Variants in CYFIP2 observed in about 807,000 individuals in gnomAD.
CYFIP2 encodes the protein cytoplasmic FMR1-interacting protein 2.
Under a neutral mutation model 158.7 loss-of-function variants are expected in CYFIP2, and 29 were observed. The ratio of observed to expected loss-of-function variants is 0.18; its 90% confidence interval spans 0.14 to 0.25. The LOEUF is 0.25. Among genes scored for constraint, CYFIP2 ranks in the 10% least tolerant of loss-of-function variants. CYFIP2 has a pLI of 1.00. For missense variants in CYFIP2, 852 were observed against 1,639.5 expected (o/e 0.52, Z 8.29); for synonymous variants, 585 against 617.6 (o/e 0.95, Z 0.78).
chr5:157,394,216 A>G lies in CYFIP2; in HGVS notation c.*1216A>G, dbSNP rs1767572021. 1 of 152,194 alleles carries G rather than the reference A, an allele frequency of 6.6e-6. No individual in the cohort carries two copies. Among genetic ancestry groups the G allele is most frequent in the African/African-American group, 2.4e-5 (1 of 41,456 alleles). 9.4% of individuals were successfully genotyped at this position (152,194 alleles called of 1,614,324 possible). On this transcript the variant is annotated 3_prime_UTR_variant, in exon 31 of 31. Transcript: ENST00000620254. ...TACTTCCATTTTCTAGACTGAACCA[A>G]AAGTCTTCTGCAGAATCTCCCACCG... is the stretch of plus-strand genomic sequence containing the variant.
In CYFIP2 at chr5:157,394,154, G is replaced by C. The variant is rs1282898551; in HGVS notation, c.*1154G>C. ...TGTTCTCTTTACATTCCTTAAGTTA[G>C]ACTTTCGGGTGTGGCTTCTCTCCCA... is the stretch of plus-strand genomic sequence containing the variant. On this transcript the variant is annotated 3_prime_UTR_variant, in exon 31 of 31. Transcript: ENST00000620254. 6.6e-6 allele frequency: 1 copy of C among 152,096 alleles called. No individual in the cohort carries two copies. The highest frequency in any genetic ancestry group is 2.4e-5 in the African/African-American group (1 of 41,406). 9.4% of individuals were successfully genotyped at this position (152,096 alleles called of 1,614,324 possible).
intron 26 of CYFIP2, among the ~76,000 whole-genome samples, chr5:157,381,707 C>A (rs998118535): frequency 4.6e-5 from 7 of 152,150 alleles, no homozygotes; most frequent in Non-Finnish European, 8.8e-5. Flanking sequence ...GAACAGCTGG[C>A]CTTTCAGAGT....
intron 6 of CYFIP2, among the ~76,000 whole-genome samples, chr5:157,302,512 G>C (rs1244696032): frequency 6.6e-6 from 1 of 152,140 alleles, no homozygotes; most frequent in African/African-American, 2.4e-5. Context: ...GCTGGTTGAT[G>C]GGATGCTAGT....
At chr5:157,301,732 C>T (rs1758765944) in intron 6 of CYFIP2, among the ~76,000 whole-genome samples, 1 of 152,106 alleles carries the variant, frequency 6.6e-6, no homozygotes, top group African/African-American at 2.4e-5. Context: ...AGTTCAAGAC[C>T]AGCCTGGAAA....
intron 21 of CYFIP2, among the ~76,000 whole-genome samples, chr5:157,337,260 A>G (rs1456788696): frequency 6.6e-6 from 1 of 152,218 alleles, no homozygotes; most frequent in Non-Finnish European, 1.5e-5. Context: ...TTCATGGTAC[A>G]CAATGACTGG....
intron 28 of CYFIP2, among the ~76,000 whole-genome samples, chr5:157,387,445 G>A (rs1325500198): frequency 6.6e-6 from 1 of 152,112 alleles, no homozygotes; most frequent in African/African-American, 2.4e-5. Context: ...CTGACCCTGA[G>A]GACTGATTCA....
chr5:157,320,856 A>G (rs1468573101), intron 15 of CYFIP2, 54 bp downstream of exon 15: 14 of 1,467,750 alleles, frequency 9.5e-6, no homozygotes, highest in South Asian at 1.4e-5. Flanking sequence ...CAGCCGGGCT[A>G]TGGTAGATCA....
In CYFIP2 at chr5:157,389,206, C is replaced by A; in HGVS notation, c.3225C>A (p.Arg1075=). The A allele has an allele frequency of 6.2e-7, 1 of 1,611,708 alleles. No homozygotes were observed. The highest frequency in any genetic ancestry group is 1.7e-4 in the Middle Eastern group (1 of 6,054). The change falls in exon 29 of 31, where the codon CGC becomes CGA. Residue 1075 remains arginine (R), a synonymous_variant. Transcript: ENST00000620254. ...GTTTCCAGCAAATCGCCATTGCTCG[C>A]GAGGGTGACCTCCTGACCAAGGAGC... ...LGTPQQIAIA[R]EGDLLTKERL...
chr5:157,363,325 G>A (rs895134610), intron 26 of CYFIP2: 8 of 152,374 alleles, frequency 5.3e-5, no homozygotes, highest in Middle Eastern at 6.8e-3. Context: ...AGCAAGAGGC[G>A]TGGCGAGCCT....
chr5:157,325,446 A>G, intron 16 of CYFIP2, 36 bp from the exon 17 acceptor site: 1 of 1,565,688 alleles, frequency 6.4e-7, no homozygotes, highest in Non-Finnish European at 8.6e-7. Context: ...TTTTAGTTCT[A>G]AAAGTAACCA....
intron 17 of CYFIP2, chr5:157,325,929 A>G (rs1760987315): frequency 3.7e-6 from 2 of 546,334 alleles, no homozygotes; most frequent in Non-Finnish European, 6.5e-6. Flanking sequence ...CTGCTACCTG[A>G]TGTGTTTTAG....
intron 11 of CYFIP2, among the ~76,000 whole-genome samples, chr5:157,313,758 A>C (rs777274763): frequency 5.9e-5 from 9 of 152,228 alleles, no homozygotes; most frequent in Non-Finnish European, 1.0e-4. Flanking sequence ...GTGCATACAC[A>C]CATATTCTGT....
At chr5:157,284,290 CTTTCA>C (rs1344901304) in intron 1 of CYFIP2, among the ~76,000 whole-genome samples, 1 of 152,142 alleles carries the variant, frequency 6.6e-6, no homozygotes, top group Non-Finnish European at 1.5e-5. Flanking sequence ...TGCTTTCCAT[CTTTCA>C]TTTCTAAAGA....
intron 21 of CYFIP2, 33 bp downstream of exon 21, chr5:157,333,479 C>T (rs745554482): frequency 5.6e-6 from 9 of 1,613,740 alleles, no homozygotes; most frequent in Non-Finnish European, 7.6e-6. Flanking sequence ...GATTTCTGCT[C>T]TGTGATTTCT....
At chr5:157,328,586 C>T (rs561559860) in intron 19 of CYFIP2, among the ~76,000 whole-genome samples, 2 of 152,282 alleles carry the variant, frequency 1.3e-5, no homozygotes, top group Admixed American at 6.5e-5. Flanking sequence ...GTCTCTTCAC[C>T]ACCACTAGAG....
rs574084671 is a variant in CYFIP2, at chr5:157,273,323, T to C, written c.-24+7128T>C. Among the ~76,000 whole-genome samples, 3 of 152,324 alleles carry C rather than the reference T, an allele frequency of 2.0e-5. No individual in the cohort carries two copies. The East Asian group carries it at 5.8e-4, about 29-fold the overall frequency. On this transcript the variant is annotated intron_variant, in intron 1 of 30. Coordinates refer to ENST00000620254, the MANE Select transcript of CYFIP2 (RefSeq NM_001037333.3). ...TTCTGAGCCTTGGTTTCCTCATCAGTAGAAAGAGAGCTAGGCTCCCTTCTT... is the reference window on the plus strand; with the variant it reads ...TTCTGAGCCTTGGTTTCCTCATCAGCAGAAAGAGAGCTAGGCTCCCTTCTT...
At chr5:157,302,403 T>C (rs1020890328) in intron 6 of CYFIP2, among the ~76,000 whole-genome samples, 1 of 152,198 alleles carries the variant, frequency 6.6e-6, no homozygotes, top group Non-Finnish European at 1.5e-5. Context: ...CATTCTAGCA[T>C]CCTACCTGCA....
chr5:157,280,339 G>A (rs1416597930), intron 1 of CYFIP2, among the ~76,000 whole-genome samples: 2 of 150,692 alleles, frequency 1.3e-5, no homozygotes, highest in Admixed American at 6.6e-5. Flanking sequence ...TGGGATTACA[G>A]GCACCCACCA....
At chr5:157,325,190 C>T (rs947315560) in intron 16 of CYFIP2, among the ~76,000 whole-genome samples, 1 of 151,846 alleles carries the variant, frequency 6.6e-6, no homozygotes, top group African/African-American at 2.4e-5. Flanking sequence ...AGAGTGATGG[C>T]TTTGTAGGAG....
Sources: gnomAD v4.1 joint callset for allele counts (sites outside exome capture counted in the v4.1 genomes callset) on GRCh38, gnomAD v4.1.1 for gene constraint, MANE v1.5 for transcripts, NCBI Gene and HGNC (gene_info 2026-07-23, HGNC 2026-07-21) for gene names.